The following ACOXL variants were observed in gnomAD, a reference collection of about 807,000 sequenced individuals.
ACOXL encodes acyl-coenzyme A oxidase-like protein.
A neutral mutation model predicts 71.9 loss-of-function variants in ACOXL; 70 were observed. That is an observed-to-expected ratio of 0.97 (90% CI 0.80 to 1.19). ACOXL has a LOEUF of 1.19. Ranked by LOEUF, ACOXL falls within the 50% of genes most tolerant of loss-of-function variation. The pLI is 0.00. For missense variants in ACOXL, 703 were observed against 736.3 expected (o/e 0.95, Z 0.52); for synonymous variants, 253 against 281.6 (o/e 0.90, Z 1.02).
chr2:110,960,072 G>A (rs1489100698), intron 12 of ACOXL, among the ~76,000 whole-genome samples: 7 of 152,256 alleles, frequency 4.6e-5, no homozygotes, highest in South Asian at 2.1e-4. Context: ...GAGAGGTAGG[G>A]ACACCTTTCT....
chr2:110,842,233 G>T (rs189321698), intron 10 of ACOXL, among the ~76,000 whole-genome samples: 2 of 152,294 alleles, frequency 1.3e-5, no homozygotes, highest in East Asian at 1.9e-4. Flanking sequence ...TAGAAAGCTG[G>T]GGGGGAGCCA....
intron 1 of ACOXL, among the ~76,000 whole-genome samples, chr2:110,759,301 G>A (rs1409803587): frequency 2.0e-5 from 3 of 152,192 alleles, no homozygotes; most frequent in East Asian, 1.9e-4. Context: ...GTATTATTGT[G>A]TGAGAGTCTA....
At chr2:111,061,448 G>A (rs1374357731) in intron 16 of ACOXL, among the ~76,000 whole-genome samples, 1 of 149,002 alleles carries the variant, frequency 6.7e-6, no homozygotes, top group Non-Finnish European at 1.5e-5. Flanking sequence ...AGGAAGTCAA[G>A]CTATCCTCAG....
intron 16 of ACOXL, among the ~76,000 whole-genome samples, chr2:111,083,547 G>C (rs1370730774): frequency 6.6e-6 from 1 of 151,610 alleles, no homozygotes; most frequent in Admixed American, 6.6e-5. Context: ...CCAAACCTTG[G>C]AGTCCAGGGT....
At chr2:110,935,321 C>G (rs890718964) in intron 12 of ACOXL, among the ~76,000 whole-genome samples, 6 of 152,146 alleles carry the variant, frequency 3.9e-5, no homozygotes, top group Non-Finnish European at 8.8e-5. Context: ...CCAGGGGTCT[C>G]TCACCCCCAG....
At chr2:111,099,349 T>C (rs1223813245) in intron 17 of ACOXL, 2 of 152,240 alleles carry the variant, frequency 1.3e-5, no homozygotes, top group African/African-American at 4.8e-5. Flanking sequence ...CAGGTCCATA[T>C]TCATTCTTAT....
At chr2:111,091,532 T>A (rs546059294) in intron 16 of ACOXL, among the ~76,000 whole-genome samples, 3 of 152,340 alleles carry the variant, frequency 2.0e-5, no homozygotes, top group Non-Finnish European at 4.4e-5. Flanking sequence ...TAGAGACTCA[T>A]GATTTGGCTT....
At chr2:110,735,764 A>T (rs1676755616) in intron 1 of ACOXL, among the ~76,000 whole-genome samples, 1 of 152,120 alleles carries the variant, frequency 6.6e-6, no homozygotes. Context: ...CAGCAGGAGC[A>T]TTCTGGGTGA....
chr2:110,754,275 G>A (rs1194447001), intron 1 of ACOXL, among the ~76,000 whole-genome samples: 3 of 151,946 alleles, frequency 2.0e-5, no homozygotes, highest in Admixed American at 6.6e-5. Flanking sequence ...GCCTAGCTGT[G>A]TTGCTGGGCT....
chr2:110,979,794 C>T (rs557454932), intron 12 of ACOXL, among the ~76,000 whole-genome samples: 15 of 152,294 alleles, frequency 9.8e-5, no homozygotes, highest in Non-Finnish European at 1.3e-4. Flanking sequence ...GTGGTGCAAA[C>T]GGAGGGCCTT....
intron 12 of ACOXL, among the ~76,000 whole-genome samples, chr2:110,969,202 T>C (rs1396341506): frequency 6.6e-6 from 1 of 152,144 alleles, no homozygotes; most frequent in Non-Finnish European, 1.5e-5. Flanking sequence ...TAGTACTAAA[T>C]GCTTATTTAA....
chr2:110,778,591 T>G (rs1243456065), intron 2 of ACOXL, among the ~76,000 whole-genome samples: 1 of 152,234 alleles, frequency 6.6e-6, no homozygotes, highest in African/African-American at 2.4e-5. Context: ...GGCCTTGGGC[T>G]AGTTTTTGAA....
chr2:111,107,028 G>A (rs186363085), intron 17 of ACOXL, among the ~76,000 whole-genome samples: 5 of 152,314 alleles, frequency 3.3e-5, no homozygotes, highest in African/African-American at 7.2e-5. Context: ...TTGAGGTGGA[G>A]GTACCAGCTC....
chr2:110,984,337 A>G (rs565086532), intron 12 of ACOXL, among the ~76,000 whole-genome samples: 1 of 152,266 alleles, frequency 6.6e-6, no homozygotes, highest in Admixed American at 6.5e-5. Flanking sequence ...TAAAACAAGC[A>G]CATCTTCATT....
chr2:110,828,801 T>C lies in ACOXL; in HGVS notation c.754-12570T>C, dbSNP rs562531468. 5.9e-5 allele frequency among the ~76,000 whole-genome samples: 9 copies of C among 152,202 alleles called. No homozygotes were observed. The South Asian group carries it at 1.7e-3, about 28-fold the overall frequency. Reference sequence around the variant, plus strand: ...TGGGGAGCTCTGAGGAATCACCCACTTGTACTATCTTGCTATTTTTTTTTT... The same window carrying C: ...TGGGGAGCTCTGAGGAATCACCCACCTGTACTATCTTGCTATTTTTTTTTT... On this transcript the variant is annotated intron_variant, in intron 9 of 17. Transcript: ENST00000439055.
At chr2:110,917,679 T>A (rs1264612263) in intron 11 of ACOXL, among the ~76,000 whole-genome samples, 2 of 152,232 alleles carry the variant, frequency 1.3e-5, no homozygotes, top group Non-Finnish European at 2.9e-5. Flanking sequence ...CAAAATCTCC[T>A]TAAGCGTATA....
chr2:110,863,609 T>G (rs1316036861), intron 10 of ACOXL, among the ~76,000 whole-genome samples: 1 of 152,134 alleles, frequency 6.6e-6, no homozygotes, highest in Non-Finnish European at 1.5e-5. Context: ...CCCAACTGGT[T>G]GGTAACAGGG....
At chr2:110,880,183 G>T (rs1463153893) in intron 10 of ACOXL, among the ~76,000 whole-genome samples, 7 of 146,950 alleles carry the variant, frequency 4.8e-5, no homozygotes, top group Admixed American at 4.1e-4. Flanking sequence ...GAAAAGAAAA[G>T]AAAGGAAAAA....
At chr2:110,863,219 A>G (rs1694168254) in intron 10 of ACOXL, among the ~76,000 whole-genome samples, 1 of 152,222 alleles carries the variant, frequency 6.6e-6, no homozygotes, top group African/African-American at 2.4e-5. Flanking sequence ...TAGCTACATT[A>G]TGATGTGTTC....
Sources: allele counts gnomAD v4.1 joint callset (sites outside exome capture counted in the v4.1 genomes callset), GRCh38; gene constraint gnomAD v4.1.1; transcripts MANE v1.5; gene names NCBI Gene and HGNC (gene_info 2026-07-23, HGNC 2026-07-21).